CA10: variants seen among roughly 807,000 people sequenced by gnomAD.
CA10 encodes the protein carbonic anhydrase-related protein 10.
Under a neutral mutation model 44.2 loss-of-function variants are expected in CA10, and 14 were observed. The observed-to-expected ratio is 0.32, with a 90% CI of 0.21 to 0.50. The LOEUF (loss-of-function observed/expected upper bound fraction) is 0.50. CA10 is among the 20% of genes least tolerant of loss of function. The probability of loss-of-function intolerance (pLI) is 0.99; values close to 1 mark genes in which losing one functional copy is unlikely to be tolerated. For missense variants in CA10, 350 were observed against 409.7 expected (o/e 0.85, Z 1.26); for synonymous variants, 159 against 141.6 (o/e 1.12, Z -0.87).
intron 2 of CA10, among the ~76,000 whole-genome samples, chr17:51,976,092 G>A (rs1047502737): frequency 1.3e-5 from 2 of 152,114 alleles, no homozygotes; most frequent in Non-Finnish European, 2.9e-5. Flanking sequence ...AATGTTGAAA[G>A]TGACAACTCA....
At chr17:52,085,469 CA>C (rs1425306316) in intron 1 of CA10, among the ~76,000 whole-genome samples, 11 of 152,166 alleles carry the variant, frequency 7.2e-5, no homozygotes, top group Non-Finnish European at 1.6e-4. Flanking sequence ...CAGCCAGGTC[CA>C]AACTCATTGA....
intron 3 of CA10, chr17:51,761,230 C>A (rs963541471): frequency 6.6e-6 from 1 of 152,126 alleles, no homozygotes; most frequent in African/African-American, 2.4e-5. Context: ...AGACAGATAG[C>A]CCTCTATCTG....
chr17:51,673,474 T>C (rs1431176948), intron 4 of CA10, among the ~76,000 whole-genome samples: 1 of 152,208 alleles, frequency 6.6e-6, no homozygotes, highest in Admixed American at 6.5e-5. Context: ...CCCAGTGCTA[T>C]ATTTATAGAC....
At chr17:52,117,549 T>C (rs1392295038) in intron 1 of CA10, among the ~76,000 whole-genome samples, 1 of 152,244 alleles carries the variant, frequency 6.6e-6, no homozygotes, top group Non-Finnish European at 1.5e-5. Flanking sequence ...TAGTTATATA[T>C]GTGTTGTGTG....
chr17:51,824,126 G>A (rs956452485), intron 3 of CA10, among the ~76,000 whole-genome samples: 7 of 152,134 alleles, frequency 4.6e-5, no homozygotes, highest in Admixed American at 3.9e-4. Flanking sequence ...AACATAATAG[G>A]TGCTCAATAA....
chr17:51,755,364 G>T (rs769085689), intron 3 of CA10, among the ~76,000 whole-genome samples: 4 of 152,126 alleles, frequency 2.6e-5, no homozygotes, highest in African/African-American at 9.7e-5. Context: ...TGGAGATAGC[G>T]CTTGTAGGGT....
intron 3 of CA10, among the ~76,000 whole-genome samples, chr17:51,905,298 T>G (rs1981497671): frequency 2.0e-5 from 3 of 151,898 alleles, no homozygotes; most frequent in Non-Finnish European, 4.4e-5. Flanking sequence ...TCAGGTGGAG[T>G]TAATTCTCCC....
At chr17:51,891,553 T>C (rs1218960286) in intron 3 of CA10, among the ~76,000 whole-genome samples, 1 of 152,202 alleles carries the variant, frequency 6.6e-6, no homozygotes, top group Non-Finnish European at 1.5e-5. Context: ...TCAAGATTGA[T>C]GTACAGGGTT....
At chr17:51,754,327 T>C (rs764930350) in intron 3 of CA10, among the ~76,000 whole-genome samples, 16 of 146,186 alleles carry the variant, frequency 1.1e-4, no homozygotes, top group African/African-American at 3.8e-4. Context: ...TGTGTACATA[T>C]ATATGTATAA....
intron 3 of CA10, among the ~76,000 whole-genome samples, chr17:51,867,255 G>A (rs1350597315): frequency 2.6e-5 from 4 of 152,100 alleles, no homozygotes; most frequent in Admixed American, 1.3e-4. Flanking sequence ...CTGATGACTC[G>A]TGGCATATTG....
intron 3 of CA10, among the ~76,000 whole-genome samples, chr17:51,909,657 A>G (rs1375541379): frequency 6.6e-6 from 1 of 152,130 alleles, no homozygotes; most frequent in Non-Finnish European, 1.5e-5. Context: ...TGTTCTTTTG[A>G]TAGCTTTTTA....
At position 52,004,624 on chromosome 17, in the gene CA10, T is replaced by C. The variant is rs141118731; in HGVS notation, c.136+67695A>G. Among the ~76,000 whole-genome samples the C allele has an allele frequency of 1.0e-3, 155 of 152,080 alleles. No homozygotes were observed. The Middle Eastern group carries it at 0.01, about 10-fold the overall frequency. ...ACACTGGAGATCTGGAATAAATGTA[T>C]GACTTTTGCATTATTAGTACACATG... On this transcript the variant is annotated intron_variant, in intron 2 of 8. Coordinates refer to ENST00000451037, the MANE Select transcript of CA10 (RefSeq NM_020178.5).
At chr17:51,773,856 C>A (rs1232034730) in intron 3 of CA10, among the ~76,000 whole-genome samples, 1 of 152,184 alleles carries the variant, frequency 6.6e-6, no homozygotes, top group African/African-American at 2.4e-5. Context: ...ACTTGCAACA[C>A]AAAGCAAATC....
chr17:51,906,554 A>T (rs1981563734), intron 3 of CA10, among the ~76,000 whole-genome samples: 1 of 152,166 alleles, frequency 6.6e-6, no homozygotes, highest in African/African-American at 2.4e-5. Context: ...TGGATAGTCT[A>T]ATGTATGCCC....
At position 51,717,528 on chromosome 17, in the gene CA10, G is replaced by GGT. The variant is rs1187473195; in HGVS notation, c.465+30103_465+30104dup. 2.6e-3 allele frequency among the ~76,000 whole-genome samples: 60 copies of GGT among 23,484 alleles called. 1 individual carries two copies. Among genetic ancestry groups the GGT allele is most frequent in the African/African-American group, 7.5e-3 (56 of 7,458 alleles). The allele number at this position is 23,484 out of a possible 152,430, so 15.4% of individuals were successfully genotyped here. A position where few individuals can be genotyped will look rare whatever the true frequency, so the allele number is the denominator to read the frequency against. Reference sequence around the variant, plus strand: ...CAATCAACAAGTGGATAAAGAAACTGGTATATATATATATATATATATATA... The same window carrying GGT: ...CAATCAACAAGTGGATAAAGAAACTGGTGTATATATATATATATATATATATA... On this transcript the variant is annotated intron_variant, in intron 4 of 8. Coordinates refer to ENST00000451037, the MANE Select transcript of CA10 (RefSeq NM_020178.5).
intron 2 of CA10, among the ~76,000 whole-genome samples, chr17:52,036,166 C>G (rs1303857152): frequency 6.6e-6 from 1 of 152,158 alleles, no homozygotes; most frequent in Non-Finnish European, 1.5e-5. Context: ...TATAATGTAA[C>G]TTTCTCATTT....
chr17:51,880,247 G>C (rs191987659), intron 3 of CA10, among the ~76,000 whole-genome samples: 14 of 152,146 alleles, frequency 9.2e-5, no homozygotes, highest in African/African-American at 3.4e-4. Context: ...GTATGTCCCC[G>C]TGTGGTACTG....
At chr17:51,842,136 G>A (rs945172733) in intron 3 of CA10, among the ~76,000 whole-genome samples, 1 of 152,220 alleles carries the variant, frequency 6.6e-6, no homozygotes, top group Non-Finnish European at 1.5e-5. Flanking sequence ...TTTTCTGAGA[G>A]GGCCTACCTG....
At chr17:51,988,850 T>A (rs775954011) in intron 2 of CA10, among the ~76,000 whole-genome samples, 17 of 152,076 alleles carry the variant, frequency 1.1e-4, no homozygotes, top group Non-Finnish European at 2.1e-4. Flanking sequence ...TTTATTAACT[T>A]AGTATATCCA....
Sources: gnomAD v4.1 joint callset for allele counts (sites outside exome capture counted in the v4.1 genomes callset) on GRCh38, gnomAD v4.1.1 for gene constraint, MANE v1.5 for transcripts, NCBI Gene and HGNC (gene_info 2026-07-23, HGNC 2026-07-21) for gene names.